Variants in BBS4 observed in about 807,000 individuals in gnomAD.
BBS4 encodes the protein Bardet-Biedl syndrome 4, also known as BBSome complex member BBS4.
In BBS4, 58 loss-of-function variants were observed where a neutral mutation model predicts 71.4. The ratio of observed to expected loss-of-function variants is 0.81; its 90% CI spans 0.66 to 1.01. BBS4 has a LOEUF of 1.01. Ranked by LOEUF, BBS4 falls within the 50% of genes least tolerant of loss-of-function variation. The pLI, the probability that BBS4 is intolerant of heterozygous loss-of-function variation, is 0.00. For missense variants in BBS4, 660 were observed against 607.9 expected, an observed-to-expected ratio of 1.09 and a Z score of -0.90; for synonymous variants, 228 against 216.8, an observed-to-expected ratio of 1.05 and a Z score of -0.46.
At chr15:72,708,126 C>G (rs1198798899) in intron 2 of BBS4, among the ~76,000 whole-genome samples, 1 of 151,920 alleles carries the variant, frequency 6.6e-6, no homozygotes, top group African/African-American at 2.4e-5. Flanking sequence ...GTTACCACAC[C>G]CGGCTAATTT....
intron 1 of BBS4, among the ~76,000 whole-genome samples, chr15:72,689,040 A>AG (rs2064933641): frequency 6.6e-6 from 1 of 152,140 alleles, no homozygotes; most frequent in South Asian, 2.1e-4. Context: ...AAAAAAAAAA[A>AG]AGAGAATGTT....
intron 9 of BBS4, among the ~76,000 whole-genome samples, chr15:72,729,376 A>G (rs1447079953): frequency 6.7e-6 from 1 of 149,706 alleles, no homozygotes; most frequent in Admixed American, 6.7e-5. Context: ...TCAGCCTCCC[A>G]AGTAGCTGGG....
At chr15:72,705,637 G>T (rs1353333767) in intron 2 of BBS4, among the ~76,000 whole-genome samples, 2 of 116,408 alleles carry the variant, frequency 1.7e-5, no homozygotes, top group Non-Finnish European at 3.3e-5. Context: ...CTGTCACCCA[G>T]GTTGGAGTGC....
intron 2 of BBS4, among the ~76,000 whole-genome samples, chr15:72,697,321 T>G (rs1373468991): frequency 3.3e-5 from 5 of 152,236 alleles, no homozygotes; most frequent in Non-Finnish European, 5.9e-5. Context: ...GTACTTTGAA[T>G]AAAAAGCTGT....
In BBS4 at chr15:72,734,977, C is replaced by T. The variant is rs750757670; in HGVS notation, c.1037-136C>T. ...CTGTAGAAGAGATGGTTGAAGATAG[C>T]ACCAGGTATCTAAGCTGACTTAGTA... On this transcript the variant is annotated intron_variant, in intron 12 of 15. Coordinates refer to ENST00000268057, the MANE Select transcript of BBS4 (RefSeq NM_033028.5). 17 of 695,760 alleles carry T rather than the reference C, an allele frequency of 2.4e-5. No individual in the cohort carries two copies. The Middle Eastern group carries it at 1.3e-3, about 54-fold the overall frequency. 43.1% of individuals were successfully genotyped at this position (695,760 alleles called of 1,614,324 possible). A position where few individuals can be genotyped will look rare whatever the true frequency, so the allele number is the denominator to read the frequency against.
chr15:72,708,944 A>G (rs1001194740), intron 2 of BBS4, among the ~76,000 whole-genome samples: 1 of 152,136 alleles, frequency 6.6e-6, no homozygotes, highest in Non-Finnish European at 1.5e-5. Context: ...TATCAAGACA[A>G]TTTGTGCACC....
chr15:72,695,711 T>C (rs970826450), intron 2 of BBS4, among the ~76,000 whole-genome samples: 1 of 152,234 alleles, frequency 6.6e-6, no homozygotes, highest in African/African-American at 2.4e-5. Context: ...TTATTAGATA[T>C]TAGGAGGTTG....
intron 1 of BBS4, among the ~76,000 whole-genome samples, chr15:72,692,341 A>T: frequency 1.0e-5 from 1 of 98,968 alleles, no homozygotes; most frequent in African/African-American, 4.0e-5. Context: ...TTTGAGACAG[A>T]GTCTTGCTCT....
chr15:72,707,176 T>C (rs1049141504), intron 2 of BBS4, among the ~76,000 whole-genome samples: 2 of 149,856 alleles, frequency 1.3e-5, no homozygotes, highest in African/African-American at 2.4e-5. Flanking sequence ...TTTCCTTTTT[T>C]CTTTTCTTTT....
In BBS4 at chr15:72,716,866, T is replaced by A; in HGVS notation, c.405+16T>A. The A allele has an allele frequency of 1.9e-6, 3 of 1,570,414 alleles. No individual in the cohort carries two copies. The highest frequency in any genetic ancestry group is 2.6e-6 in the Non-Finnish European group (3 of 1,143,340). On this transcript the variant is annotated intron_variant, in intron 6 of 15. Transcript: ENST00000268057. ...GAAAGATTGGGTAAGTAGAGAACTT[T>A]CAGTTCTTTCTTATTAGTAAACTTG...
chr15:72,713,497 AC>A (rs1470254956), intron 4 of BBS4, among the ~76,000 whole-genome samples: 12 of 152,278 alleles, frequency 7.9e-5, no homozygotes, highest in African/African-American at 2.6e-4. Context: ...CTTCTGGAAT[AC>A]CTCCTGAAGG....
intron 2 of BBS4, among the ~76,000 whole-genome samples, chr15:72,695,849 C>G (rs1419971758): frequency 6.6e-6 from 1 of 152,154 alleles, no homozygotes; most frequent in Non-Finnish European, 1.5e-5. Flanking sequence ...TAGTTTAATT[C>G]TATTGTGGGT....
At position 72,738,282 on chromosome 15, in the gene BBS4, TTA is replaced by T. The variant is rs2065967323; in HGVS notation, c.*696_*697del. 1 of 453,818 alleles carries T rather than the reference TTA, an allele frequency of 2.2e-6. No individual in the cohort carries two copies. Among genetic ancestry groups the T allele is most frequent in the Non-Finnish European group, 4.4e-6 (1 of 226,746 alleles). The allele number at this position is 453,818 out of a possible 1,614,324, so 28.1% of individuals were successfully genotyped here. On this transcript the variant is annotated 3_prime_UTR_variant, in exon 16 of 16. Transcript: ENST00000268057. ...CTTGTCTGGATCAGCACCAACGATT[TTA>T]AAGAAAAAAGGAAGAGTTTCTTAGA...
chr15:72,737,383 A>G (rs1236722973), intron 15 of BBS4, 95 bp from the exon 16 acceptor site: 1 of 1,092,810 alleles, frequency 9.2e-7, no homozygotes, highest in African/African-American at 1.6e-5. Flanking sequence ...GGTTCCAGAA[A>G]ATATGGGGTT....
chr15:72,699,307 C>T (rs543270393), intron 2 of BBS4, among the ~76,000 whole-genome samples: 46 of 152,170 alleles, frequency 3.0e-4, no homozygotes, highest in African/African-American at 1.1e-3. Context: ...AGACTGGTAT[C>T]GAGCTCCTGA....
intron 9 of BBS4, among the ~76,000 whole-genome samples, chr15:72,728,500 A>G (rs998804623): frequency 4.7e-4 from 70 of 147,766 alleles, no homozygotes; most frequent in Non-Finnish European, 6.8e-4. Context: ...CCTGTCTCAG[A>G]AAAAAAAAAA....
intron 4 of BBS4, among the ~76,000 whole-genome samples, chr15:72,713,314 G>GACAC (rs36072427): frequency 0.086 from 12,372 of 143,306 alleles, 602 homozygotes; most frequent in African/African-American, 0.14. Flanking sequence ...AGGTCTTTGT[G>GACAC]ACACACACAC....
chr15:72,721,709 C>A (rs1170495648), intron 6 of BBS4, among the ~76,000 whole-genome samples: 1 of 152,130 alleles, frequency 6.6e-6, no homozygotes, highest in Non-Finnish European at 1.5e-5. Context: ...AACATTAAAT[C>A]AGTTGTTATC....
At chr15:72,691,476 T>A in intron 1 of BBS4, among the ~76,000 whole-genome samples, 1 of 152,202 alleles carries the variant, frequency 6.6e-6, no homozygotes, top group Non-Finnish European at 1.5e-5. Context: ...TTTATATTAA[T>A]ATTTTGTACT....
Sources: allele counts gnomAD v4.1 joint callset (sites outside exome capture counted in the v4.1 genomes callset), GRCh38; gene constraint gnomAD v4.1.1; transcripts MANE v1.5; gene names NCBI Gene and HGNC (gene_info 2026-07-23, HGNC 2026-07-21).